MRPL48: variants seen among roughly 807,000 people sequenced by gnomAD.
MRPL48 encodes large ribosomal subunit protein mL48.
MRPL48 carries 16 observed loss-of-function variants against 32.9 expected under a neutral mutation model. The ratio of observed to expected loss-of-function variants is 0.49; its 90% CI spans 0.33 to 0.74. The LOEUF is 0.74. MRPL48 is among the 30% of genes least tolerant of loss of function. MRPL48 has a pLI of 0.02. For missense variants in MRPL48, 206 were observed against 245.3 expected (o/e 0.84, Z 1.07); for synonymous variants, 94 against 89.2 (o/e 1.05, Z -0.31).
intron 3 of MRPL48, among the ~76,000 whole-genome samples, chr11:73,824,011 A>G (rs1478600145): frequency 6.6e-6 from 1 of 151,730 alleles, no homozygotes; most frequent in Non-Finnish European, 1.5e-5. Context: ...GTGCACCACC[A>G]TGCCCAGCTA....
intron 4 of MRPL48, among the ~76,000 whole-genome samples, chr11:73,839,208 T>C (rs547321109): frequency 1.3e-5 from 2 of 152,330 alleles, no homozygotes; most frequent in South Asian, 2.1e-4. Flanking sequence ...CTTCCTCAAA[T>C]TGGCTTCCTG....
chr11:73,790,638 C>A (rs1947134018), intron 1 of MRPL48, among the ~76,000 whole-genome samples: 1 of 151,910 alleles, frequency 6.6e-6, no homozygotes, highest in Non-Finnish European at 1.5e-5. Flanking sequence ...CCCACCTTGG[C>A]CTCCCAAAGT....
intron 1 of MRPL48, 54 bp downstream of exon 1, chr11:73,788,046 A>C (rs565705406): frequency 1.4e-6 from 2 of 1,459,922 alleles, no homozygotes; most frequent in Admixed American, 1.8e-5. Context: ...CGGTGCAGAG[A>C]GGGGAGATGG....
chr11:73,804,932 GGT>G, intron 1 of MRPL48, 93 bp from the exon 2 acceptor site: 1 of 1,151,472 alleles, frequency 8.7e-7, no homozygotes, highest in Non-Finnish European at 1.2e-6. Flanking sequence ...GTCCTTTTCT[GGT>G]TTGTGTACTG....
chr11:73,861,391 CAG>C (rs1048718017), intron 6 of MRPL48, among the ~76,000 whole-genome samples: 2 of 151,914 alleles, frequency 1.3e-5, no homozygotes, highest in African/African-American at 2.4e-5. Context: ...TTTTTGGAGA[CAG>C]AGTTTCACCC....
chr11:73,797,855 G>T (rs1947286804), intron 1 of MRPL48, among the ~76,000 whole-genome samples: 1 of 152,166 alleles, frequency 6.6e-6, no homozygotes, highest in Non-Finnish European at 1.5e-5. Context: ...CCAGAAAAAT[G>T]ACACTCCAAA....
At chr11:73,835,175 C>G (rs1307945213) in intron 4 of MRPL48, among the ~76,000 whole-genome samples, 1 of 131,654 alleles carries the variant, frequency 7.6e-6, no homozygotes, top group Non-Finnish European at 1.6e-5. Flanking sequence ...CGAAGTCTCG[C>G]TCTGTCACCA....
chr11:73,820,239 T>A (rs1565413835), intron 3 of MRPL48, among the ~76,000 whole-genome samples: 1 of 152,216 alleles, frequency 6.6e-6, no homozygotes. Flanking sequence ...TCTCTTTCTT[T>A]TTTGAGACAG....
At chr11:73,806,451 C>T (rs527302641) in intron 2 of MRPL48, among the ~76,000 whole-genome samples, 108 of 152,230 alleles carry the variant, frequency 7.1e-4, no homozygotes, top group African/African-American at 2.6e-3. Flanking sequence ...AAGAGGCCTT[C>T]CCTGACTACT....
Position 73,825,786 on chromosome 11 carries a change from A to T in MRPL48, c.191A>T (p.Lys64Ile). 1 of 1,563,672 alleles carries T rather than the reference A, an allele frequency of 6.4e-7. No individual in the cohort carries two copies. The highest frequency in any genetic ancestry group is 8.7e-7 in the Non-Finnish European group (1 of 1,153,948). Residue 64 changes from lysine (K) to isoleucine (I), a missense_variant, in exon 4 of 8, where the codon AAA (lysine) becomes ATA (isoleucine). Lys to Ile is a moderately radical substitution (Grantham distance 102). Transcript: ENST00000310614. ...HGIGKYKHLI[K>I]AEEPKKKKGK... ...ATTGGAAAGTACAAGCACTTAATTA[A>T]AGCAGAAGAGGTAACGGGCAGGGGG...
intron 1 of MRPL48, among the ~76,000 whole-genome samples, chr11:73,793,867 T>G (rs1947196554): frequency 6.6e-6 from 1 of 151,310 alleles, no homozygotes; most frequent in Admixed American, 6.6e-5. Flanking sequence ...TGTTTTTTTT[T>G]TTTTTTTTTT....
intron 4 of MRPL48, among the ~76,000 whole-genome samples, chr11:73,831,849 A>C (rs1948000747): frequency 6.8e-6 from 1 of 147,134 alleles, no homozygotes; most frequent in African/African-American, 2.5e-5. Context: ...CTGAGGCGGG[A>C]GAATCGCTTG....
At position 73,853,680 on chromosome 11, in the gene MRPL48, C is replaced by CTTTTTTTTTTTTTTTTTT. The variant is rs58486952; in HGVS notation, c.372-6216_372-6199dup. On this transcript the variant is annotated intron_variant, in intron 5 of 7. Coordinates refer to ENST00000310614, the MANE Select transcript of MRPL48 (RefSeq NM_016055.6). ...AGCTGGCGGGAATTAGAGATAGCTT[C>CTTTTTTTTTTTTTTTTTT]TTTTTTTTTTTTTTTTTTTTTTTTT... Among the ~76,000 whole-genome samples, 3 of 79,118 alleles carry CTTTTTTTTTTTTTTTTTT rather than the reference C, an allele frequency of 3.8e-5. 1 individual carries two copies. Among genetic ancestry groups the CTTTTTTTTTTTTTTTTTT allele is most frequent in the African/African-American group, 1.0e-4 (2 of 19,678 alleles). The allele number at this position is 79,118 out of a possible 152,430, so 51.9% of individuals were successfully genotyped here.
At chr11:73,842,054 G>A (rs35640394) in intron 4 of MRPL48, 8,366 of 152,054 alleles carry the variant, frequency 0.055, 255 homozygotes, top group Middle Eastern at 0.095. Flanking sequence ...AGGCTCAAGC[G>A]GTCTTCCTGT....
At chr11:73,814,254 A>T (rs965690104) in intron 3 of MRPL48, among the ~76,000 whole-genome samples, 36 of 151,504 alleles carry the variant, frequency 2.4e-4, no homozygotes, top group Non-Finnish European at 5.3e-4. Flanking sequence ...GCCTGGTGGG[A>T]TAGCGAGTGC....
intron 4 of MRPL48, among the ~76,000 whole-genome samples, chr11:73,843,669 C>CTAGG (rs1280434886): frequency 6.6e-6 from 1 of 152,142 alleles, no homozygotes. Context: ...GAATTTCGAG[C>CTAGG]TAGGAGTAGA....
At chr11:73,793,204 A>C (rs572137915) in intron 1 of MRPL48, among the ~76,000 whole-genome samples, 1 of 152,282 alleles carries the variant, frequency 6.6e-6, no homozygotes, top group Non-Finnish European at 1.5e-5. Flanking sequence ...TAGCTGGGAT[A>C]ACAGGCATGC....
rs984523124 is a variant in MRPL48, at chr11:73,808,294, A to G, written c.75-19A>G. ...ATGGGTTTCTAATTGTATTGAACAT[A>G]CTTTCTCCCTCCTTTTAGGTTTAGA... On this transcript the variant is annotated intron_variant, in intron 2 of 7. Transcript: ENST00000310614. The G allele has an allele frequency of 2.5e-6, 4 of 1,596,640 alleles. No individual in the cohort carries two copies. The African/African-American group carries it at 5.4e-5, about 21-fold the overall frequency.
intron 1 of MRPL48, among the ~76,000 whole-genome samples, chr11:73,800,469 T>G (rs916014821): frequency 6.6e-6 from 1 of 152,134 alleles, no homozygotes; most frequent in Non-Finnish European, 1.5e-5. Flanking sequence ...ATGCTCTAGA[T>G]TTTGCCCTGT....
Sources: gnomAD v4.1 joint callset for allele counts (sites outside exome capture counted in the v4.1 genomes callset) on GRCh38, gnomAD v4.1.1 for gene constraint, MANE v1.5 for transcripts, NCBI Gene and HGNC (gene_info 2026-07-23, HGNC 2026-07-21) for gene names.